Variants in JAKMIP3 observed in about 807,000 individuals in gnomAD.
The protein encoded by JAKMIP3 is janus kinase and microtubule-interacting protein 3.
In JAKMIP3, 58 loss-of-function variants were observed where a neutral mutation model predicts 118.5. That is an observed-to-expected ratio of 0.49 (90% CI 0.40 to 0.61). The LOEUF is 0.61. Ranked by LOEUF, JAKMIP3 falls within the 20% of genes least tolerant of loss-of-function variation. The probability of loss-of-function intolerance (pLI) is 0.00; values close to 1 mark genes in which losing one functional copy is unlikely to be tolerated. For synonymous variants in JAKMIP3, 486 were observed against 451.2 expected (o/e 1.08, Z -0.98); for missense variants, 950 against 1,109.0 (o/e 0.86, Z 2.04).
At chr10:132,113,789 G>A (rs1270387549) in intron 2 of JAKMIP3, among the ~76,000 whole-genome samples, 2 of 152,208 alleles carry the variant, frequency 1.3e-5, no homozygotes, top group African/African-American at 2.4e-5. Flanking sequence ...AGTAAGCAGG[G>A]TATGACTGTG....
chr10:132,089,047 G>C (rs1589783765), intron 1 of JAKMIP3, among the ~76,000 whole-genome samples: 2 of 152,232 alleles, frequency 1.3e-5, no homozygotes, highest in East Asian at 3.9e-4. Context: ...TGAGGGCTCT[G>C]TTCTGTTCCA....
intron 3 of JAKMIP3, among the ~76,000 whole-genome samples, chr10:132,128,114 C>T (rs376825336): frequency 1.1e-4 from 16 of 152,304 alleles, no homozygotes; most frequent in African/African-American, 3.6e-4. Flanking sequence ...TAACAAAGGA[C>T]GCTCTCTACT....
intron 1 of JAKMIP3, among the ~76,000 whole-genome samples, chr10:132,089,500 C>T (rs1415257272): frequency 6.6e-6 from 1 of 152,116 alleles, no homozygotes; most frequent in African/African-American, 2.4e-5. Context: ...CATGATTTGG[C>T]TCTCTGTTTG....
chr10:132,139,868 T>C lies in JAKMIP3; in HGVS notation c.1345-583T>C, dbSNP rs181841266. Among the ~76,000 whole-genome samples the C allele has an allele frequency of 2.2e-4, 33 of 152,156 alleles. No homozygotes were observed. In the East Asian group the frequency reaches 6.0e-3, roughly 28 times the overall value. ...CCACGGCAGAAGGGACTGAAGAAGA[T>C]GGCGGGCTTTCCATTTTGTAACACT... is the stretch of plus-strand genomic sequence containing the variant. On this transcript the variant is annotated intron_variant, in intron 9 of 23. Coordinates refer to ENST00000684848, the MANE Select transcript of JAKMIP3 (RefSeq NM_001323087.2).
At chr10:132,100,482 C>G (rs1383470911) in intron 1 of JAKMIP3, among the ~76,000 whole-genome samples, 2 of 152,162 alleles carry the variant, frequency 1.3e-5, no homozygotes, top group Non-Finnish European at 2.9e-5. Context: ...GACGTATTGA[C>G]CAGAACAGCC....
chr10:132,153,418 G>T (rs2056572651), intron 17 of JAKMIP3, among the ~76,000 whole-genome samples: 1 of 152,208 alleles, frequency 6.6e-6, no homozygotes, highest in Admixed American at 6.5e-5. Context: ...GCAAGGAGAA[G>T]GGGTGCTCCT....
intron 1 of JAKMIP3, among the ~76,000 whole-genome samples, chr10:132,089,265 G>A (rs1487318985): frequency 3.3e-5 from 5 of 152,162 alleles, no homozygotes; most frequent in Non-Finnish European, 7.4e-5. Context: ...GTAGCTTGAT[G>A]GGGATGGCAT....
chr10:132,171,815 C>T (rs2059525873), intron 23 of JAKMIP3, among the ~76,000 whole-genome samples: 1 of 152,044 alleles, frequency 6.6e-6, no homozygotes, highest in Non-Finnish European at 1.5e-5. Context: ...CCACCACACT[C>T]AGCTAATTTT....
chr10:132,104,860 C>G lies in JAKMIP3; in HGVS notation c.52C>G (p.Leu18Val), dbSNP rs1351623108. The change falls in exon 2 of 24, where the codon CTC (leucine) becomes GTC (valine). Residue 18 changes from leucine to valine, a missense_variant. By Grantham distance (32) the Leu-to-Val change is conservative. Coordinates refer to ENST00000684848, the MANE Select transcript of JAKMIP3 (RefSeq NM_001323087.2). ...GGCCAAGGGGGACAAGGCAGAGGCC[C>G]TCGCGGCGCTGCAGGCGGCCAACGA... ...SRAKGDKAEA[L>V]AALQAANEDL... is the part of the protein sequence containing the mutation. The G allele has an allele frequency of 8.3e-6, 13 of 1,558,922 alleles. No individual in the cohort carries two copies. Among genetic ancestry groups the G allele is most frequent in the East Asian group, 2.4e-5 (1 of 41,444 alleles).
In JAKMIP3 at chr10:132,171,195, C is replaced by T. The variant is rs370374652; in HGVS notation, c.*1103+2162C>T. On this transcript the variant is annotated intron_variant, in intron 23 of 23. Coordinates refer to ENST00000684848, the MANE Select transcript of JAKMIP3 (RefSeq NM_001323087.2). ...CTCACAGGGCTCCTCTGAAGCGAGG[C>T]GGCTGTCATCCTCTCGGGATCCTCT... Among the ~76,000 whole-genome samples, 216 of 152,358 alleles carry T rather than the reference C, an allele frequency of 1.4e-3. 6 individuals carry two copies. The South Asian group carries it at 0.042, about 30-fold the overall frequency.
chr10:132,137,384 C>A, intron 8 of JAKMIP3, 95 bp downstream of exon 8: 2 of 1,472,506 alleles, frequency 1.4e-6, no homozygotes, highest in Non-Finnish European at 1.9e-6. Context: ...ACAGACCAGA[C>A]AGAAGCGGCC....
rs182077569 is a variant in JAKMIP3 at position 132,143,559 on chromosome 10, A to G, written c.1602+1511A>G. On this transcript the variant is annotated intron_variant, in intron 11 of 23. Transcript: ENST00000684848. ...CAAACTGCATGTAAAAAAAAGTTTA[A>G]TGTCATTTAGAATCAGAGGAAAATC... Among the ~76,000 whole-genome samples the G allele has an allele frequency of 1.7e-4, 26 of 152,350 alleles. No homozygotes were observed. In the East Asian group the frequency reaches 4.2e-3, roughly 25 times the overall value.
At chr10:132,108,937 ATATATAAATTATATACGCAAATG>A (rs2046337513) in intron 2 of JAKMIP3, among the ~76,000 whole-genome samples, 1 of 149,484 alleles carries the variant, frequency 6.7e-6, no homozygotes, top group African/African-American at 2.4e-5. Flanking sequence ...ACGCAAATGT[ATATATAAATTATATACGCAAATG>A]TATATATAAA....
intron 1 of JAKMIP3, among the ~76,000 whole-genome samples, chr10:132,073,568 C>A (rs1253801057): frequency 6.6e-6 from 1 of 150,524 alleles, no homozygotes; most frequent in African/African-American, 2.5e-5. Context: ...GCGATCTCAG[C>A]TCACTTCAGC....
rs1324394511 is a variant in JAKMIP3, at chr10:132,103,408, GAGA to G, written c.-137-1263_-137-1261del. On this transcript the variant is annotated intron_variant, in intron 1 of 23. Coordinates refer to ENST00000684848, the MANE Select transcript of JAKMIP3 (RefSeq NM_001323087.2). ...CAGAGACGGGGAGGAGCACCTGGGG[GAGA>G]GGAGCAGCTGGAGGGGAGGAGCACC... Among the ~76,000 whole-genome samples the G allele has an allele frequency of 2.9e-4, 28 of 96,172 alleles. 1 individual carries two copies. Among genetic ancestry groups the G allele is most frequent in the African/African-American group, 7.2e-4 (13 of 18,080 alleles). 63.1% of individuals were successfully genotyped at this position (96,172 alleles called of 152,430 possible).
At chr10:132,062,793 G>A (rs1422337736), upstream of JAKMIP3, among the ~76,000 whole-genome samples, 2 of 152,368 alleles carry the variant, frequency 1.3e-5, no homozygotes, top group Middle Eastern at 3.4e-3. Flanking sequence ...ATTCCAGGAG[G>A]AGGTGCCTTT....
At position 132,149,553 on chromosome 10, in the gene JAKMIP3, A is replaced by AT. The variant is rs544219649; in HGVS notation, c.1947+44dup. The AT allele has an allele frequency of 7.9e-3, 4,388 of 557,786 alleles. 365 individuals are homozygous for AT. In the African/African-American group the frequency reaches 0.13, roughly 17 times the overall value. The allele number at this position is 557,786 out of a possible 1,614,324, so 34.6% of individuals were successfully genotyped here. On this transcript the variant is annotated intron_variant, in intron 15 of 23. Transcript: ENST00000684848. The stretch of plus-strand genomic sequence containing the variant: ...TGCCCACTCCGCCCCCACCTCACCC[A>AT]TCCCCCGCCCCACCCCCTCTCCGCC...
chr10:132,122,618 G>T (rs1199255533), intron 3 of JAKMIP3, among the ~76,000 whole-genome samples: 5 of 152,260 alleles, frequency 3.3e-5, no homozygotes, highest in African/African-American at 7.2e-5. Flanking sequence ...TGGAAGTGTG[G>T]CACCTGGTGA....
chr10:132,169,677 G>A (rs116975613), intron 23 of JAKMIP3, among the ~76,000 whole-genome samples: 4,458 of 152,244 alleles, frequency 0.029, 160 homozygotes, highest in South Asian at 0.13. Flanking sequence ...CCCCACCTCC[G>A]ACCCACACCG....
Sources: gnomAD v4.1 joint callset for allele counts (sites outside exome capture counted in the v4.1 genomes callset) on GRCh38, gnomAD v4.1.1 for gene constraint, MANE v1.5 for transcripts, NCBI Gene and HGNC (gene_info 2026-07-23, HGNC 2026-07-21) for gene names.